Variants in GPC3 observed in about 807,000 individuals in gnomAD.
GPC3 encodes the protein glypican-3.
GPC3 carries 3 observed loss-of-function variants against 34.4 expected under a neutral mutation model. The ratio of observed to expected loss-of-function variants is 0.09; its 90% CI spans 0.04 to 0.23. GPC3 has a LOEUF of 0.23. Ranked by LOEUF, GPC3 falls within the 10% of genes least tolerant of loss-of-function variation. The probability of loss-of-function intolerance (pLI) is 1.00; values close to 1 mark genes in which losing one functional copy is unlikely to be tolerated. For missense variants in GPC3, 351 were observed against 445.6 expected (o/e 0.79, Z 1.91); for synonymous variants, 177 against 174.0 (o/e 1.02, Z -0.13).
chrX:133,778,107 A>G (rs1458940081), intron 2 of GPC3, among the ~76,000 whole-genome samples: 3 of 112,551 alleles, frequency 2.7e-5, no homozygotes, highest in Admixed American at 9.4e-5. Flanking sequence ...AAAGACAGTC[A>G]TCTTGTGGTG....
At chrX:133,917,628 T>C (rs1024823250) in intron 2 of GPC3, among the ~76,000 whole-genome samples, 3 of 112,018 alleles carry the variant, frequency 2.7e-5, no homozygotes, top group South Asian at 3.7e-4. Context: ...AAACTAAGGA[T>C]CTGTCATGTG....
chrX:133,852,862 A>G (rs1364023573), intron 2 of GPC3, among the ~76,000 whole-genome samples: 3 of 110,021 alleles, frequency 2.7e-5, no homozygotes, highest in Non-Finnish European at 5.7e-5. Context: ...AGAGTACTTC[A>G]CAGGTAATGT....
chrX:133,795,943 C>CTT (rs753300332), intron 2 of GPC3, among the ~76,000 whole-genome samples: 141 of 84,896 alleles, frequency 1.7e-3, no homozygotes, highest in Middle Eastern at 0.014. Flanking sequence ...TTTCTTTTTC[C>CTT]TTTTTTTTTT....
chrX:133,609,601 G>A (rs1233312255), intron 6 of GPC3, among the ~76,000 whole-genome samples: 1 of 111,893 alleles, frequency 8.9e-6, no homozygotes, highest in Non-Finnish European at 1.9e-5. Context: ...TAGGTTAGAC[G>A]GTCTTTTAAC....
At chrX:133,696,810 T>C (rs911523180) in intron 4 of GPC3, among the ~76,000 whole-genome samples, 1 of 112,846 alleles carries the variant, frequency 8.9e-6, no homozygotes, top group African/African-American at 3.2e-5. Flanking sequence ...ATGTCAAACA[T>C]AGCATTGACA....
intron 7 of GPC3, among the ~76,000 whole-genome samples, chrX:133,539,375 A>G (rs1412044212): frequency 1.8e-5 from 2 of 112,166 alleles, no homozygotes; most frequent in African/African-American, 6.5e-5. Flanking sequence ...ATTCTTCTTG[A>G]AAACAAACTC....
chrX:133,562,194 A>G (rs1003747954), intron 7 of GPC3, among the ~76,000 whole-genome samples: 2 of 111,819 alleles, frequency 1.8e-5, no homozygotes, highest in Admixed American at 1.9e-4. Context: ...GTACCTTGGA[A>G]TATTTATGTG....
intron 7 of GPC3, among the ~76,000 whole-genome samples, chrX:133,541,595 CT>C (rs1324211083): frequency 8.9e-6 from 1 of 112,313 alleles, no homozygotes; most frequent in Non-Finnish European, 1.9e-5. Context: ...CATTCAGCCC[CT>C]GACTCTCATT....
intron 1 of GPC3, among the ~76,000 whole-genome samples, chrX:133,955,890 G>A (rs2076414542): frequency 8.9e-6 from 1 of 111,772 alleles, no homozygotes; most frequent in South Asian, 3.7e-4. Context: ...AGACTAGTTA[G>A]CCCTAAGTCA....
chrX:133,967,498 CAG>C (rs2076469052), intron 1 of GPC3, among the ~76,000 whole-genome samples: 1 of 112,475 alleles, frequency 8.9e-6, no homozygotes, highest in African/African-American at 3.2e-5. Flanking sequence ...AGCCTGGATC[CAG>C]AGTCTCCCTG....
intron 2 of GPC3, among the ~76,000 whole-genome samples, chrX:133,840,618 T>A (rs1337057541): frequency 9.0e-6 from 1 of 110,560 alleles, no homozygotes; most frequent in East Asian, 2.8e-4. Flanking sequence ...CATCATCATC[T>A]TCATCACCAT....
At chrX:133,795,683 T>C (rs1237631842) in intron 2 of GPC3, among the ~76,000 whole-genome samples, 2 of 111,498 alleles carry the variant, frequency 1.8e-5, no homozygotes, top group Non-Finnish European at 3.8e-5. Flanking sequence ...ACAAGTAATA[T>C]AAATTATCTT....
intron 1 of GPC3, among the ~76,000 whole-genome samples, chrX:133,961,231 G>A (rs2076440093): frequency 9.0e-6 from 1 of 111,321 alleles, no homozygotes; most frequent in African/African-American, 3.3e-5. Flanking sequence ...TGGGTATCAG[G>A]AGCTCAGACT....
intron 2 of GPC3, among the ~76,000 whole-genome samples, chrX:133,829,360 C>T (rs1369020230): frequency 1.8e-5 from 2 of 112,145 alleles, no homozygotes; most frequent in African/African-American, 6.5e-5. Context: ...GACAATTCAA[C>T]AGTAATAGTT....
intron 7 of GPC3, among the ~76,000 whole-genome samples, chrX:133,545,910 C>CA (rs369994310): frequency 0.1 from 9,966 of 98,038 alleles, 1,101 homozygotes; most frequent in African/African-American, 0.32. Flanking sequence ...GACTATTAGC[C>CA]AAAAAAAAAA....
At chrX:133,946,071 C>G (rs6654278) in intron 2 of GPC3, among the ~76,000 whole-genome samples, 18,740 of 111,353 alleles carry the variant, frequency 0.17, 2,757 homozygotes, top group African/African-American at 0.49. Context: ...TTGAAGGTAG[C>G]CATGAGGTAG....
intron 6 of GPC3, among the ~76,000 whole-genome samples, chrX:133,644,621 T>C (rs1451262314): frequency 8.9e-6 from 1 of 111,753 alleles, no homozygotes; most frequent in Non-Finnish European, 1.9e-5. Context: ...ACTGCTAATG[T>C]TTTGATATAA....
chrX:133,745,061 G>A (rs2071600680), intron 3 of GPC3, among the ~76,000 whole-genome samples: 1 of 111,413 alleles, frequency 9.0e-6, no homozygotes, highest in African/African-American at 3.3e-5. Context: ...ACCTAATGTA[G>A]ATAACAGGTT....
chrX:133,705,407 G>T (rs1358497853), intron 3 of GPC3, among the ~76,000 whole-genome samples: 1 of 111,147 alleles, frequency 9.0e-6, no homozygotes, highest in East Asian at 2.8e-4. Flanking sequence ...GCCCAGACTG[G>T]TCTTGAACTC....
Sources: allele counts gnomAD v4.1 joint callset (sites outside exome capture counted in the v4.1 genomes callset), GRCh38; gene constraint gnomAD v4.1.1; transcripts MANE v1.5; gene names NCBI Gene and HGNC (gene_info 2026-07-23, HGNC 2026-07-21).